Variants in PSG9 observed in about 807,000 individuals in gnomAD.
PSG9 encodes pregnancy-specific beta-1-glycoprotein 9.
Under a neutral mutation model 41.9 loss-of-function variants are expected in PSG9, and 49 were observed. That is an observed-to-expected ratio of 1.17 (90% CI 0.93 to 1.48). The LOEUF (loss-of-function observed/expected upper bound fraction) is 1.48, where lower values mean the gene tolerates loss of function less well. Ranked by LOEUF, PSG9 falls within the 40% of genes most tolerant of loss-of-function variation. PSG9 has a pLI of 0.00. For missense variants in PSG9, 641 were observed against 520.3 expected (o/e 1.23, Z -2.26); for synonymous variants, 263 against 196.8 (o/e 1.34, Z -2.82).
chr19:43,263,591 CAA>C (rs201166241), intron 2 of PSG9, among the ~76,000 whole-genome samples: 33 of 125,602 alleles, frequency 2.6e-4, no homozygotes, highest in South Asian at 7.6e-4. Flanking sequence ...ACTCTAGTAA[CAA>C]AAAAAAAAAA....
Position 43,269,498 on chromosome 19 carries a change from G to T in PSG9, c.-67C>A. On this transcript the variant is annotated 5_prime_UTR_variant, in exon 1 of 6. Transcript: ENST00000270077. ...TGGGATCCAGAAGCTGTCTGAGCAC[G>T]GCTGTCAGCTGTGCTGTCCTTCCTC... is the stretch of plus-strand genomic sequence containing the variant. 1 of 1,596,282 alleles carries T rather than the reference G, an allele frequency of 6.3e-7. No individual in the cohort carries two copies.
chr19:43,263,472 C>G (rs566327463), intron 2 of PSG9, among the ~76,000 whole-genome samples: 24 of 151,994 alleles, frequency 1.6e-4, no homozygotes, highest in South Asian at 4.1e-4. Flanking sequence ...GAAGTGTTGA[C>G]TTTTGAGCAT....
chr19:43,258,258 A>C lies in PSG9; in HGVS notation c.1187T>G (p.Val396Gly), dbSNP rs1409663395. Residue 396 changes from valine (V) to glycine (G), a missense_variant, in exon 5 of 6, where the codon GTT (valine) becomes GGT (glycine). Physicochemically the swap from Val to Gly is moderately radical, Grantham distance 109. Transcript: ENST00000270077. The part of the protein sequence containing the change: ...RNHSGLYACS[V>G]HNSATGKEIS... ...TTCCTTGCCAGTGGCTGAGTTATGA[A>C]CAGAGCAAGCATAGAGCCCGCTATG... 3 of 1,592,922 alleles carry C rather than the reference A, an allele frequency of 1.9e-6. No individual in the cohort carries two copies. The highest frequency in any genetic ancestry group is 2.6e-6 in the Non-Finnish European group (3 of 1,174,558).
At position 43,259,564 on chromosome 19, in the gene PSG9, G is replaced by A. The variant is rs555294734; in HGVS notation, c.710-429C>T. 8.6e-5 allele frequency: 17 copies of A among 197,982 alleles called. 2 individuals are homozygous for A. The highest frequency in any genetic ancestry group is 7.8e-4 in the South Asian group (7 of 8,922). The allele number at this position is 197,982 out of a possible 1,614,324, so 12.3% of individuals were successfully genotyped here. A position where few individuals can be genotyped will look rare whatever the true frequency, so the allele number is the denominator to read the frequency against. On this transcript the variant is annotated intron_variant, in intron 3 of 5. Coordinates refer to ENST00000270077, the MANE Select transcript of PSG9 (RefSeq NM_002784.5). ...CTCTGCAGCTTCCATTTCTAAGGAT[G>A]TTCTAGAGATGAGTAATAATGGGAC... is the stretch of plus-strand genomic sequence containing the variant.
intron 5 of PSG9, among the ~76,000 whole-genome samples, chr19:43,254,858 G>A (rs971058326): frequency 4.1e-5 from 6 of 145,850 alleles, no homozygotes; most frequent in African/African-American, 1.6e-4. Context: ...GGAGGTCACA[G>A]CAGAAGGATT....
chr19:43,267,807 C>T lies in PSG9; in HGVS notation c.407G>A (p.Arg136Gln), dbSNP rs754439413. 1.0e-4 allele frequency: 163 copies of T among 1,612,798 alleles called. 1 individual carries two copies. The highest frequency in any genetic ancestry group is 2.0e-4 in the Admixed American group (12 of 59,932). ...ACAGTATAAGGTGAAGGTGAAATGT[C>T]GAATTTCTTCTCTAGTCTCATCACC... is the stretch of plus-strand genomic sequence containing the variant. ...KRGDETREEI[R>Q]HFTFTLYLET... The change falls in exon 2 of 6, where the codon CGA (arginine) becomes CAA (glutamine). Residue 136 changes from arginine (R) to glutamine (Q), a missense_variant. By Grantham distance (43) the Arg-to-Gln change is conservative. Transcript: ENST00000270077.
chr19:43,262,104 G>A lies in PSG9; in HGVS notation c.465C>T (p.Asn155=), dbSNP rs749137077. Residue 155 remains asparagine, a synonymous_variant, in exon 3 of 6, where the codon AAC becomes AAT. Transcript: ENST00000270077. Reference sequence around the variant, plus strand: ...CCTCCATGGCCTCCCTGGGGTTTAAGTTGCTGCTGGAGATGTAGGGCTTGG... The same window carrying A: ...CCTCCATGGCCTCCCTGGGGTTTAAATTGCTGCTGGAGATGTAGGGCTTGG... ...ETPKPYISSS[N]LNPREAMEAV... 1 of 1,613,772 alleles carries A rather than the reference G, an allele frequency of 6.2e-7. No individual in the cohort carries two copies. The highest frequency in any genetic ancestry group is 1.3e-5 in the African/African-American group (1 of 74,874).
intron 2 of PSG9, among the ~76,000 whole-genome samples, chr19:43,267,554 G>A (rs1172203450): frequency 6.6e-6 from 1 of 152,142 alleles, no homozygotes; most frequent in African/African-American, 2.4e-5. Context: ...CCCCCCATCA[G>A]ACTGTCCTTC....
Position 43,257,042 on chromosome 19 carries a change from C to T in PSG9, c.1243+1160G>A, listed in dbSNP as rs1217254815. On this transcript the variant is annotated intron_variant, in intron 5 of 5. Coordinates refer to ENST00000270077, the MANE Select transcript of PSG9 (RefSeq NM_002784.5). ...CTTAACAAGGAATAAAATTCCAATA[C>T]ATCATGCAAAATGGATGAACCTTGA... is the stretch of plus-strand genomic sequence containing the variant. 2.0e-5 allele frequency: 3 copies of T among 147,132 alleles called. 1 individual carries two copies. In the East Asian group the frequency reaches 7.0e-4, roughly 34 times the overall value. 9.1% of individuals were successfully genotyped at this position (147,132 alleles called of 1,614,324 possible).
At chr19:43,254,147 C>G (rs1459192770) in intron 5 of PSG9, among the ~76,000 whole-genome samples, 1 of 145,804 alleles carries the variant, frequency 6.9e-6, no homozygotes, top group Non-Finnish European at 1.5e-5. Context: ...AGGTGCACTT[C>G]CTATGTGCCA....
In PSG9 at chr19:43,258,570, C is replaced by G. The variant is rs1231817393; in HGVS notation, c.989-114G>C. The stretch of plus-strand genomic sequence containing the variant: ...GCCAAGACACACCCTCAAGTCCCAG[C>G]CAAAGTCCCTCTATGTTCACTGAGC... On this transcript the variant is annotated intron_variant, in intron 4 of 5. Transcript: ENST00000270077. 12 of 1,457,712 alleles carry G rather than the reference C, an allele frequency of 8.2e-6. 2 individuals carry two copies. In the East Asian group the frequency reaches 3.0e-4, roughly 37 times the overall value. 90.3% of individuals were successfully genotyped at this position (1,457,712 alleles called of 1,614,324 possible).
intron 5 of PSG9, among the ~76,000 whole-genome samples, chr19:43,256,660 G>C (rs770045148): frequency 2.0e-5 from 3 of 146,520 alleles, no homozygotes; most frequent in Non-Finnish European, 3.0e-5. Flanking sequence ...CACAATTTAG[G>C]ATGGCTTTGA....
chr19:43,254,263 G>A (rs1968368132), intron 5 of PSG9, among the ~76,000 whole-genome samples: 1 of 146,150 alleles, frequency 6.8e-6, no homozygotes, highest in Non-Finnish European at 1.5e-5. Flanking sequence ...AGCTTAGCAT[G>A]GTGTAAAAAC....
At position 43,267,847 on chromosome 19, in the gene PSG9, G is replaced by T; in HGVS notation, c.367C>A (p.His123Asn). ...TRKDAGTYTL[H>N]IIKRGDETRE... ...GTCTCATCACCTCGCTTTATGATGTGTAAGGTGTAGGTTCCTGCATCCTTC... is the reference window on the plus strand; with the variant it reads ...GTCTCATCACCTCGCTTTATGATGTTTAAGGTGTAGGTTCCTGCATCCTTC... The change falls in exon 2 of 6, where the codon CAC becomes AAC. Residue 123 changes from histidine (H) to asparagine (N), a missense_variant. Physicochemically the swap from His to Asn is moderately conservative, Grantham distance 68. Transcript: ENST00000270077. 6.2e-7 allele frequency: 1 copy of T among 1,613,722 alleles called. No individual in the cohort carries two copies. The highest frequency in any genetic ancestry group is 8.5e-7 in the Non-Finnish European group (1 of 1,179,706).
In PSG9 at chr19:43,253,610, C is replaced by G. The variant is rs1177340893; in HGVS notation, c.1280G>C (p.Ter427SerextTer7). 3 of 866,122 alleles carry G rather than the reference C, an allele frequency of 3.5e-6. No individual in the cohort carries two copies. Among genetic ancestry groups the G allele is most frequent in the Non-Finnish European group, 5.7e-6 (3 of 521,838 alleles). 53.7% of individuals were successfully genotyped at this position (866,122 alleles called of 1,614,324 possible). Residue 427 changes from the stop codon to serine (S), a stop_lost, in exon 6 of 6, where the codon TGA (stop) becomes TCA (serine). Transcript: ENST00000270077. ...TTCTCAGTGTCTCAGTTGTTGCAGT[C>G]ATGACTGAGACTCTGTCAGGTCTCC... ...CHGDLTESQS* is the reference protein window; with the variant it reads ...CHGDLTESQSS
intron 5 of PSG9, chr19:43,257,066 G>A: frequency 6.8e-6 from 1 of 147,192 alleles, no homozygotes; most frequent in Non-Finnish European, 1.5e-5. Flanking sequence ...GATGAACCTT[G>A]AAGATATTAT....
chr19:43,265,989 A>T (rs1474615220), intron 2 of PSG9, among the ~76,000 whole-genome samples: 2 of 151,994 alleles, frequency 1.3e-5, no homozygotes, highest in African/African-American at 4.8e-5. Flanking sequence ...CCGAACAGCC[A>T]GCCTAGTTAG....
In PSG9 at chr19:43,259,183, C is replaced by A; in HGVS notation, c.710-48G>T. Reference sequence around the variant, plus strand: ...ATTGTCCTGTGTGGCACCTTTGATTCCTCCACAGGCATACTTCAATCAGAG... The same window carrying A: ...ATTGTCCTGTGTGGCACCTTTGATTACTCCACAGGCATACTTCAATCAGAG... On this transcript the variant is annotated intron_variant, in intron 3 of 5. Coordinates refer to ENST00000270077, the MANE Select transcript of PSG9 (RefSeq NM_002784.5). The A allele has an allele frequency of 4.5e-6, 7 of 1,571,850 alleles. 1 individual carries two copies. The South Asian group carries it at 8.0e-5, about 18-fold the overall frequency.
At chr19:43,266,284 G>A (rs1161977772) in intron 2 of PSG9, among the ~76,000 whole-genome samples, 2 of 152,040 alleles carry the variant, frequency 1.3e-5, no homozygotes. Flanking sequence ...GTAGTGGGGG[G>A]ATGAAACGTG....
Sources: allele counts gnomAD v4.1 joint callset (sites outside exome capture counted in the v4.1 genomes callset), GRCh38; gene constraint gnomAD v4.1.1; transcripts MANE v1.5; gene names NCBI Gene and HGNC (gene_info 2026-07-23, HGNC 2026-07-21).